The following VAV3 variants were observed in gnomAD, a reference collection of about 807,000 sequenced individuals.
The protein encoded by VAV3 is vav guanine nucleotide exchange factor 3, also known as guanine nucleotide exchange factor VAV3.
In VAV3, 94 loss-of-function variants were observed where a neutral mutation model predicts 131.2. The observed-to-expected ratio is 0.72, with a 90% CI of 0.61 to 0.85. VAV3 has a LOEUF of 0.85. Among genes scored for constraint, VAV3 ranks in the 40% least tolerant of loss-of-function variants. VAV3 has a pLI of 0.00. For synonymous variants in VAV3, 349 were observed against 342.0 expected (o/e 1.02, Z -0.22); for missense variants, 939 against 1,002.7 (o/e 0.94, Z 0.86).
intron 21 of VAV3, among the ~76,000 whole-genome samples, chr1:107,615,956 G>T (rs1441759505): frequency 2.6e-5 from 4 of 152,158 alleles, no homozygotes; most frequent in African/African-American, 9.7e-5. Context: ...AATAACAGAT[G>T]CTGACAAGGT....
chr1:107,844,930 C>A (rs778578004), intron 2 of VAV3, among the ~76,000 whole-genome samples: 2 of 152,046 alleles, frequency 1.3e-5, no homozygotes, highest in Admixed American at 6.5e-5. Flanking sequence ...AGTGGTAGAT[C>A]TCTCAGCACA....
At chr1:107,799,999 T>A (rs1049817116) in intron 2 of VAV3, among the ~76,000 whole-genome samples, 2 of 152,184 alleles carry the variant, frequency 1.3e-5, no homozygotes, top group African/African-American at 4.8e-5. Context: ...TCCAGTCCCA[T>A]CCATGTTGCA....
chr1:107,575,013 GCGCACA>G (rs1319653322), intron 25 of VAV3, among the ~76,000 whole-genome samples: 656 of 22,920 alleles, frequency 0.029, 9 homozygotes, highest in African/African-American at 0.038. Context: ...GCGCGCGCGC[GCGCACA>G]CGCGCGCGTG....
chr1:107,837,527 A>C (rs1557874667), intron 2 of VAV3, among the ~76,000 whole-genome samples: 1 of 152,128 alleles, frequency 6.6e-6, no homozygotes, highest in Non-Finnish European at 1.5e-5. Flanking sequence ...ACAGAATTAG[A>C]TAAAAACTAC....
At chr1:107,947,866 AG>A (rs1302313198) in intron 1 of VAV3, among the ~76,000 whole-genome samples, 4 of 152,216 alleles carry the variant, frequency 2.6e-5, no homozygotes, top group Non-Finnish European at 5.9e-5. Flanking sequence ...ACCCTGTGCC[AG>A]GTACTGAGCC....
chr1:107,617,021 T>C (rs1653205547), intron 21 of VAV3, among the ~76,000 whole-genome samples: 2 of 152,286 alleles, frequency 1.3e-5, no homozygotes, highest in South Asian at 4.1e-4. Flanking sequence ...ACCTGTAATA[T>C]TAATTGAGGA....
intron 2 of VAV3, among the ~76,000 whole-genome samples, chr1:107,833,029 C>A (rs759208076): frequency 6.6e-6 from 1 of 151,814 alleles, no homozygotes; most frequent in Admixed American, 6.6e-5. Context: ...AAAATCATAG[C>A]AAAAAATCAT....
At chr1:107,729,741 AT>A (rs1483184365) in intron 15 of VAV3, among the ~76,000 whole-genome samples, 1 of 152,270 alleles carries the variant, frequency 6.6e-6, no homozygotes, top group African/African-American at 2.4e-5. Context: ...TACAATGCTA[AT>A]GTCAGAAAAT....
chr1:107,591,201 C>T (rs1266697125), intron 25 of VAV3, among the ~76,000 whole-genome samples: 1 of 152,152 alleles, frequency 6.6e-6, no homozygotes, highest in East Asian at 1.9e-4. Context: ...AAAAGCCCTT[C>T]TCTGACCCTG....
chr1:107,917,842 T>C (rs1022077430), intron 1 of VAV3, among the ~76,000 whole-genome samples: 1 of 152,168 alleles, frequency 6.6e-6, no homozygotes, highest in Admixed American at 6.5e-5. Flanking sequence ...CCAGAATACT[T>C]TGATGAGCAT....
chr1:107,742,455 T>C (rs1262148789), intron 15 of VAV3, among the ~76,000 whole-genome samples: 2 of 152,106 alleles, frequency 1.3e-5, no homozygotes, highest in African/African-American at 4.8e-5. Flanking sequence ...CCACTAAAGG[T>C]ACACCAAAAT....
chr1:107,801,262 AGTT>A (rs1666815562), intron 2 of VAV3, among the ~76,000 whole-genome samples: 2 of 152,046 alleles, frequency 1.3e-5, no homozygotes, highest in South Asian at 4.2e-4. Flanking sequence ...CCAGCTTTGT[AGTT>A]GTTGCTCAGA....
chr1:107,838,612 C>T (rs1668570865), intron 2 of VAV3, among the ~76,000 whole-genome samples: 1 of 152,084 alleles, frequency 6.6e-6, no homozygotes, highest in African/African-American at 2.4e-5. Context: ...GGGTATACAA[C>T]CAAAGGAAAA....
intron 1 of VAV3, among the ~76,000 whole-genome samples, chr1:107,950,982 T>C (rs1272992372): frequency 1.3e-5 from 2 of 152,130 alleles, no homozygotes; most frequent in Admixed American, 1.3e-4. Flanking sequence ...TTCAAGATAT[T>C]CAAGAGAATA....
chr1:107,795,394 A>G (rs1666487459), intron 2 of VAV3, among the ~76,000 whole-genome samples: 1 of 152,216 alleles, frequency 6.6e-6, no homozygotes, highest in Non-Finnish European at 1.5e-5. Flanking sequence ...TTTGGACAGA[A>G]AGAACCAGGG....
rs894552500 is a variant in VAV3, at chr1:107,801,931, AT to A, written c.322-22440del. The stretch of plus-strand genomic sequence containing the variant: ...TGCCTCTTCAATTTCTTTCGTCAGC[AT>A]TTTTTTATGTGTTTCTTTTTTTTAT... On this transcript the variant is annotated intron_variant, in intron 2 of 26. Coordinates refer to ENST00000370056, the MANE Select transcript of VAV3 (RefSeq NM_006113.5). 2.6e-5 allele frequency among the ~76,000 whole-genome samples: 4 copies of A among 151,752 alleles called. No homozygotes were observed. In the East Asian group the frequency reaches 7.7e-4, roughly 29 times the overall value.
intron 19 of VAV3, among the ~76,000 whole-genome samples, chr1:107,660,506 A>T (rs72975650): frequency 0.02 from 3,020 of 152,278 alleles, 113 homozygotes; most frequent in African/African-American, 0.069. Flanking sequence ...AAGGCAGACC[A>T]CTGGCCTTAT....
At chr1:107,804,664 G>A (rs999755538) in intron 2 of VAV3, among the ~76,000 whole-genome samples, 3 of 152,154 alleles carry the variant, frequency 2.0e-5, no homozygotes, top group Non-Finnish European at 4.4e-5. Context: ...CTAAAGTTAT[G>A]AGTGTATTGT....
intron 25 of VAV3, among the ~76,000 whole-genome samples, chr1:107,586,631 T>C (rs903344981): frequency 4.6e-5 from 7 of 151,742 alleles, no homozygotes; most frequent in Admixed American, 4.6e-4. Context: ...TGGTGGGAAA[T>C]TGACAACCAT....
Sources: allele counts gnomAD v4.1 joint callset (sites outside exome capture counted in the v4.1 genomes callset), GRCh38; gene constraint gnomAD v4.1.1; transcripts MANE v1.5; gene names NCBI Gene and HGNC (gene_info 2026-07-23, HGNC 2026-07-21).